Variants in DCC observed in about 807,000 individuals in gnomAD.
DCC encodes DCC netrin 1 receptor, also known as netrin receptor DCC.
Under a neutral mutation model 172.5 loss-of-function variants are expected in DCC, and 58 were observed. The observed-to-expected ratio is 0.34, with a 90% CI of 0.27 to 0.42. The LOEUF (loss-of-function observed/expected upper bound fraction) is 0.42. Ranked by LOEUF, DCC falls within the 10% of genes least tolerant of loss-of-function variation. The pLI, the probability that DCC is intolerant of heterozygous loss-of-function variation, is 1.00. For missense variants in DCC, 1,740 were observed against 1,791.0 expected, an observed-to-expected ratio of 0.97 and a Z score of 0.51; for synonymous variants, 709 against 644.5, an observed-to-expected ratio of 1.10 and a Z score of -1.52.
intron 22 of DCC, among the ~76,000 whole-genome samples, chr18:53,442,890 C>T (rs773722308): frequency 1.3e-5 from 2 of 152,156 alleles, no homozygotes; most frequent in African/African-American, 2.4e-5. Flanking sequence ...TTATCCAGAG[C>T]AAGGCCCTAA....
At chr18:53,329,077 T>C (rs1019399392) in intron 14 of DCC, among the ~76,000 whole-genome samples, 1 of 152,198 alleles carries the variant, frequency 6.6e-6, no homozygotes, top group African/African-American at 2.4e-5. Context: ...CATATAATTA[T>C]AGCAATAGAT....
At chr18:53,511,752 T>A (rs965134712) in intron 27 of DCC, among the ~76,000 whole-genome samples, 4 of 152,088 alleles carry the variant, frequency 2.6e-5, no homozygotes, top group Admixed American at 1.3e-4. Context: ...GCTTTTCCAA[T>A]GGGCTTAAAA....
At chr18:53,407,528 GATATATATAT>G (rs74180422) in intron 19 of DCC, among the ~76,000 whole-genome samples, 9 of 117,446 alleles carry the variant, frequency 7.7e-5, no homozygotes, top group South Asian at 6.7e-4. Context: ...TTTTATTCTG[GATATATATAT>G]ATATATATAT....
At chr18:53,430,230 A>G (rs1320532658) in intron 21 of DCC, among the ~76,000 whole-genome samples, 3 of 152,136 alleles carry the variant, frequency 2.0e-5, no homozygotes. Flanking sequence ...ACCCTTGGAA[A>G]GATATACATT....
chr18:53,179,155 T>G lies in DCC; in HGVS notation c.1573+39T>G, dbSNP rs755072187. 4 of 1,593,110 alleles carry G rather than the reference T, an allele frequency of 2.5e-6. No homozygotes were observed. The South Asian group carries it at 4.5e-5, about 18-fold the overall frequency. On this transcript the variant is annotated intron_variant, in intron 9 of 28. Transcript: ENST00000442544. ...GGAACGGGCCACATTTAAAAAGTAT[T>G]TATTTTCCTCTGCAATATCCTTGAA... is the stretch of plus-strand genomic sequence containing the variant.
At chr18:52,529,138 T>A (rs896877979) in intron 1 of DCC, among the ~76,000 whole-genome samples, 1 of 152,234 alleles carries the variant, frequency 6.6e-6, no homozygotes, top group Non-Finnish European at 1.5e-5. Context: ...GAAGACATGG[T>A]TTCCTAAATG....
chr18:52,838,754 T>C (rs2038756030), intron 2 of DCC, among the ~76,000 whole-genome samples: 1 of 152,184 alleles, frequency 6.6e-6, no homozygotes, highest in African/African-American at 2.4e-5. Context: ...TTTTATATTA[T>C]TTTATAAATG....
intron 1 of DCC, among the ~76,000 whole-genome samples, chr18:52,613,051 A>G (rs564649219): frequency 5.6e-4 from 85 of 152,320 alleles, no homozygotes; most frequent in Middle Eastern, 6.8e-3. Context: ...TGGATGTTAT[A>G]GACAGGATGG....
At chr18:53,487,979 G>C (rs1034712704) in intron 26 of DCC, among the ~76,000 whole-genome samples, 1 of 152,138 alleles carries the variant, frequency 6.6e-6, no homozygotes, top group African/African-American at 2.4e-5. Flanking sequence ...GAGCCCACAA[G>C]TGCCTTCTTC....
chr18:52,996,772 CTTTTTTTTTT>C (rs66600556), intron 5 of DCC, among the ~76,000 whole-genome samples: 2 of 117,144 alleles, frequency 1.7e-5, no homozygotes, highest in Non-Finnish European at 3.5e-5. Context: ...TCACCTTTTT[CTTTTTTTTTT>C]TTTTTTTTTG....
chr18:52,556,691 G>A (rs1258010910), intron 1 of DCC, among the ~76,000 whole-genome samples: 1 of 151,722 alleles, frequency 6.6e-6, no homozygotes, highest in Non-Finnish European at 1.5e-5. Flanking sequence ...GCACCCCCAG[G>A]AGACCACCCA....
At chr18:53,446,210 T>A (rs1283117004) in intron 22 of DCC, among the ~76,000 whole-genome samples, 2 of 151,442 alleles carry the variant, frequency 1.3e-5, no homozygotes, top group Admixed American at 6.6e-5. Flanking sequence ...TGCTTGAGGC[T>A]AAGAGTTCAA....
intron 1 of DCC, among the ~76,000 whole-genome samples, chr18:52,718,725 A>G (rs1156365175): frequency 6.6e-6 from 1 of 152,194 alleles, no homozygotes. Flanking sequence ...GTCCCATGTA[A>G]TTCCAAGATT....
intron 14 of DCC, among the ~76,000 whole-genome samples, chr18:53,325,077 C>T (rs887081662): frequency 4.0e-5 from 6 of 151,250 alleles, no homozygotes; most frequent in African/African-American, 1.5e-4. Flanking sequence ...CCTGTAATCC[C>T]TGCTACTCAG....
At chr18:53,053,882 G>A (rs113176432) in intron 5 of DCC, among the ~76,000 whole-genome samples, 1,996 of 152,212 alleles carry the variant, frequency 0.013, 33 homozygotes, top group African/African-American at 0.045. Context: ...GACAAAGAAA[G>A]ACGTTTATCA....
At chr18:52,910,116 G>A (rs1261954403) in intron 3 of DCC, among the ~76,000 whole-genome samples, 3 of 152,122 alleles carry the variant, frequency 2.0e-5, no homozygotes, top group African/African-American at 7.2e-5. Context: ...ATCCTGGAGA[G>A]AATTGACCAA....
chr18:53,017,194 G>A (rs1443306060), intron 5 of DCC, among the ~76,000 whole-genome samples: 3 of 151,262 alleles, frequency 2.0e-5, no homozygotes. Flanking sequence ...TCCTGCCTCA[G>A]CCTCCCGCGT....
At chr18:52,408,489 T>G (rs1814419310) in intron 1 of DCC, among the ~76,000 whole-genome samples, 1 of 152,036 alleles carries the variant, frequency 6.6e-6, no homozygotes, top group Non-Finnish European at 1.5e-5. Context: ...CAGCCCCTGT[T>G]GGCAAAGACA....
chr18:52,487,515 C>T (rs1237635063), intron 1 of DCC, among the ~76,000 whole-genome samples: 2 of 151,912 alleles, frequency 1.3e-5, no homozygotes, highest in East Asian at 1.9e-4. Flanking sequence ...GAAGAATAAA[C>T]GTTAGAGGAA....
Sources: allele counts gnomAD v4.1 joint callset (sites outside exome capture counted in the v4.1 genomes callset), GRCh38; gene constraint gnomAD v4.1.1; transcripts MANE v1.5; gene names NCBI Gene and HGNC (gene_info 2026-07-23, HGNC 2026-07-21).